The following SORCS2 variants were observed in gnomAD, a reference collection of about 807,000 sequenced individuals.
SORCS2 encodes the protein VPS10 domain-containing receptor SorCS2.
A neutral mutation model predicts 141.6 loss-of-function variants in SORCS2; 100 were observed. The observed-to-expected ratio is 0.71, with a 90% CI of 0.60 to 0.83. The LOEUF is 0.83. SORCS2 is among the 40% of genes least tolerant of loss of function. The pLI is 0.00. For missense variants in SORCS2, 1,646 were observed against 1,560.2 expected (o/e 1.05, Z -0.93); for synonymous variants, 789 against 676.9 (o/e 1.17, Z -2.57).
Position 7,734,338 on chromosome 4 carries a change from T to G in SORCS2, c.3275T>G (p.Phe1092Cys), listed in dbSNP as rs1215066419. The change falls in exon 25 of 27, where the codon TTC (phenylalanine) becomes TGC (cysteine). Residue 1092 changes from phenylalanine (F) to cysteine (C), a missense_variant. Transcript: ENST00000507866. ...AVVVLFVIGL[F>C]AAGAFILYKF... ...GTGGTGCTGTTTGTCATCGGGCTCT[T>G]CGCAGCGGGAGCCTTCATCCTCTAC... The G allele has an allele frequency of 7.5e-6, 12 of 1,592,138 alleles. No homozygotes were observed. The highest frequency in any genetic ancestry group is 1.0e-5 in the Non-Finnish European group (12 of 1,169,764).
chr4:7,724,282 GGTGGTGGTGATA>G, intron 19 of SORCS2, among the ~76,000 whole-genome samples: 1 of 142,074 alleles, frequency 7.0e-6, no homozygotes, highest in African/African-American at 2.7e-5. Flanking sequence ...TGGTGGTGGT[GGTGGTGGTGATA>G]ATGGTGACAA....
intron 1 of SORCS2, among the ~76,000 whole-genome samples, chr4:7,207,922 G>A (rs1442091002): frequency 6.6e-6 from 1 of 152,142 alleles, no homozygotes; most frequent in Admixed American, 6.5e-5. Context: ...CATCTTGCCT[G>A]TGGCCGAGCA....
intron 3 of SORCS2, among the ~76,000 whole-genome samples, chr4:7,609,201 T>C (rs1718247899): frequency 6.6e-6 from 1 of 151,046 alleles, no homozygotes; most frequent in Non-Finnish European, 1.5e-5. Context: ...TGTTGTTGTT[T>C]TTCATTTGTT....
chr4:7,598,132 C>A (rs1232335847), intron 3 of SORCS2, among the ~76,000 whole-genome samples: 2 of 152,076 alleles, frequency 1.3e-5, no homozygotes, highest in Non-Finnish European at 2.9e-5. Context: ...CCCTGCCCGG[C>A]TAATTTTTGT....
intron 2 of SORCS2, among the ~76,000 whole-genome samples, chr4:7,408,740 C>T (rs1389103902): frequency 6.6e-6 from 1 of 152,200 alleles, no homozygotes; most frequent in East Asian, 1.9e-4. Flanking sequence ...ATAATTCTTA[C>T]ATTTGCTCTT....
intron 1 of SORCS2, among the ~76,000 whole-genome samples, chr4:7,326,328 G>C (rs1318282949): frequency 6.6e-6 from 1 of 152,018 alleles, no homozygotes; most frequent in Non-Finnish European, 1.5e-5. Context: ...CCCTGGCATC[G>C]GGTGGCTGCT....
chr4:7,350,620 C>T (rs923016739), intron 1 of SORCS2, among the ~76,000 whole-genome samples: 7 of 152,182 alleles, frequency 4.6e-5, no homozygotes, highest in African/African-American at 1.4e-4. Context: ...TCCCGGCAGG[C>T]GGCAGGTCCA....
chr4:7,702,398 G>A (rs1473092893), intron 12 of SORCS2, among the ~76,000 whole-genome samples: 1 of 152,220 alleles, frequency 6.6e-6, no homozygotes, highest in African/African-American at 2.4e-5. Context: ...CTTGTGTCCT[G>A]GTGTGACTTT....
chr4:7,416,648 A>G (rs1354288396), intron 2 of SORCS2, among the ~76,000 whole-genome samples: 1 of 152,094 alleles, frequency 6.6e-6, no homozygotes, highest in South Asian at 2.1e-4. Context: ...ACAAGCACAC[A>G]CATGCATGCA....
At chr4:7,317,431 A>G (rs928581763) in intron 1 of SORCS2, among the ~76,000 whole-genome samples, 10 of 152,216 alleles carry the variant, frequency 6.6e-5, no homozygotes, top group African/African-American at 1.9e-4. Flanking sequence ...TGCCTGGCAC[A>G]GTGATTGGTG....
At chr4:7,407,289 C>G (rs1725026560) in intron 2 of SORCS2, among the ~76,000 whole-genome samples, 2 of 152,056 alleles carry the variant, frequency 1.3e-5, no homozygotes. Context: ...TTAAAGTCCC[C>G]TGCTGTTACT....
At chr4:7,655,204 C>T (rs868144173) in intron 5 of SORCS2, among the ~76,000 whole-genome samples, 20 of 135,496 alleles carry the variant, frequency 1.5e-4, no homozygotes, top group African/African-American at 6.2e-4. Flanking sequence ...TGTGCGTGTA[C>T]ACACACACAC....
intron 3 of SORCS2, among the ~76,000 whole-genome samples, chr4:7,590,342 C>G (rs1716833403): frequency 6.6e-6 from 1 of 152,188 alleles, no homozygotes; most frequent in South Asian, 2.1e-4. Context: ...GTGCTTTCAT[C>G]TTGCCAATCG....
At position 7,717,964 on chromosome 4, in the gene SORCS2, C is replaced by T. The variant is rs201538318; in HGVS notation, c.2253-48C>T. 10,709 of 1,519,950 alleles carry T rather than the reference C, an allele frequency of 7.0e-3. 58 individuals are homozygous for T. The highest frequency in any genetic ancestry group is 8.2e-3 in the Non-Finnish European group (9,266 of 1,133,356). The allele number at this position is 1,519,950 out of a possible 1,614,324, so 94.2% of individuals were successfully genotyped here. On this transcript the variant is annotated intron_variant, in intron 17 of 26. Coordinates refer to ENST00000507866, the MANE Select transcript of SORCS2 (RefSeq NM_020777.3). ...CCTCCCCAGACTATGGGGCCCCATC[C>T]CTTGCCACCTGTCTGAAGCGGACCC... is the stretch of plus-strand genomic sequence containing the variant.
chr4:7,358,474 C>G (rs190832798), intron 1 of SORCS2, among the ~76,000 whole-genome samples: 1 of 152,230 alleles, frequency 6.6e-6, no homozygotes, highest in African/African-American at 2.4e-5. Context: ...GATTGGGATG[C>G]CAGAGTACTG....
Position 7,374,931 on chromosome 4 carries a change from C to T in SORCS2, c.481-21357C>T, listed in dbSNP as rs777308649. ...GGAGCTGGGCTGGAGCTCACCTTTACAGTGGACACTTTGCTGTTGGGGTTG... is the reference window on the plus strand; with the variant it reads ...GGAGCTGGGCTGGAGCTCACCTTTATAGTGGACACTTTGCTGTTGGGGTTG... On this transcript the variant is annotated intron_variant, in intron 1 of 26. Transcript: ENST00000507866. Among the ~76,000 whole-genome samples the T allele has an allele frequency of 1.9e-4, 29 of 152,290 alleles. 1 individual carries two copies. The South Asian group carries it at 2.1e-3, about 11-fold the overall frequency.
intron 1 of SORCS2, among the ~76,000 whole-genome samples, chr4:7,213,014 G>T (rs1358091469): frequency 2.0e-5 from 3 of 152,266 alleles, no homozygotes; most frequent in African/African-American, 7.2e-5. Flanking sequence ...AGAGGTGTCA[G>T]CTCTGGGCGG....
At chr4:7,605,081 A>C (rs1438124947) in intron 3 of SORCS2, among the ~76,000 whole-genome samples, 1 of 152,218 alleles carries the variant, frequency 6.6e-6, no homozygotes, top group Non-Finnish European at 1.5e-5. Flanking sequence ...GGAGGTCAGC[A>C]TGGGACTGGT....
intron 3 of SORCS2, among the ~76,000 whole-genome samples, chr4:7,582,564 CG>C (rs1716229448): frequency 6.6e-6 from 1 of 152,050 alleles, no homozygotes; most frequent in Non-Finnish European, 1.5e-5. Flanking sequence ...GCTTCTGGCT[CG>C]GGGTTTCATA....
Sources: allele counts gnomAD v4.1 joint callset (sites outside exome capture counted in the v4.1 genomes callset), GRCh38; gene constraint gnomAD v4.1.1; transcripts MANE v1.5; gene names NCBI Gene and HGNC (gene_info 2026-07-23, HGNC 2026-07-21).